The following RNF220 variants were observed in gnomAD, a reference collection of about 807,000 sequenced individuals.
RNF220 encodes E3 ubiquitin-protein ligase RNF220.
Under a neutral mutation model 67.1 loss-of-function variants are expected in RNF220, and 7 were observed. The observed-to-expected ratio is 0.10, with a 90% confidence interval of 0.06 to 0.20. The LOEUF is 0.20. Among genes scored for constraint, RNF220 ranks in the 10% least tolerant of loss-of-function variants. The pLI is 1.00. For synonymous variants in RNF220, 270 were observed against 283.2 expected, an observed-to-expected ratio of 0.95 and a Z score of 0.47; for missense variants, 565 against 740.3, an observed-to-expected ratio of 0.76 and a Z score of 2.75.
intron 2 of RNF220, among the ~76,000 whole-genome samples, chr1:44,431,723 CCCT>C (rs139274807): frequency 0.05 from 7,665 of 152,200 alleles, 440 homozygotes; most frequent in African/African-American, 0.13. Flanking sequence ...GGAGTCTCTT[CCCT>C]CCTCATGCAC....
intron 2 of RNF220, among the ~76,000 whole-genome samples, chr1:44,528,070 AC>A (rs1478848804): frequency 6.6e-6 from 1 of 152,128 alleles, no homozygotes; most frequent in East Asian, 1.9e-4. Context: ...CCCACCATAA[AC>A]AAAAATAAAA....
chr1:44,568,683 C>T (rs989529859), intron 2 of RNF220, among the ~76,000 whole-genome samples: 1 of 152,170 alleles, frequency 6.6e-6, no homozygotes, highest in Non-Finnish European at 1.5e-5. Context: ...GATGGAGTTG[C>T]GAAGGCAGGA....
At chr1:44,531,507 GTAAGA>G (rs2148191823) in intron 2 of RNF220, among the ~76,000 whole-genome samples, 1 of 152,320 alleles carries the variant, frequency 6.6e-6, no homozygotes, top group African/African-American at 2.4e-5. Flanking sequence ...CCATTAGACT[GTAAGA>G]GCACAGAGGC....
At chr1:44,537,225 G>A (rs566276703) in intron 2 of RNF220, among the ~76,000 whole-genome samples, 91 of 152,012 alleles carry the variant, frequency 6.0e-4, no homozygotes, top group Non-Finnish European at 1.2e-3. Flanking sequence ...ACCCCTTCTT[G>A]TATCAGACCT....
At chr1:44,541,109 A>C (rs1428103688) in intron 2 of RNF220, among the ~76,000 whole-genome samples, 1 of 152,192 alleles carries the variant, frequency 6.6e-6, no homozygotes, top group Admixed American at 6.5e-5. Context: ...GAACCTCAGA[A>C]AAGTCAAGTA....
At position 44,621,256 on chromosome 1, in the gene RNF220, C is replaced by T. The variant is rs1410953468; in HGVS notation, c.759-1486C>T. On this transcript the variant is annotated intron_variant, in intron 3 of 14. Coordinates refer to ENST00000361799, the MANE Select transcript of RNF220 (RefSeq NM_018150.4). This position sits in a 1 kb window ranked among gnomAD's most constrained non-coding sequence, Gnocchi z 4.8. The stretch of plus-strand genomic sequence containing the variant: ...TGGACATGTGTCTGGGAATATGCCT[C>T]TGTGGCCCTGTGCATCTGTATGCGT... 6.6e-6 allele frequency among the ~76,000 whole-genome samples: 1 copy of T among 152,202 alleles called. No individual in the cohort carries two copies. Among genetic ancestry groups the T allele is most frequent in the East Asian group, 1.9e-4 (1 of 5,196 alleles).
At chr1:44,421,723 C>CA (rs1649242635) in intron 2 of RNF220, among the ~76,000 whole-genome samples, 1 of 152,002 alleles carries the variant, frequency 6.6e-6, no homozygotes. Flanking sequence ...CAAATAAACT[C>CA]AGTGTTTTTC....
chr1:44,521,558 T>A (rs1214105794), intron 2 of RNF220, among the ~76,000 whole-genome samples: 1 of 152,042 alleles, frequency 6.6e-6, no homozygotes, highest in Middle Eastern at 3.2e-3. Flanking sequence ...GAGTCAAGGG[T>A]TGGGCCTCTG....
Position 44,622,927 on chromosome 1 carries a change from C to T in RNF220, c.804+140C>T, listed in dbSNP as rs1643857613. The T allele has an allele frequency of 1.4e-6, 1 of 721,022 alleles. No individual in the cohort carries two copies. The highest frequency in any genetic ancestry group is 2.3e-5 in the Admixed American group (1 of 44,392). The allele number at this position is 721,022 out of a possible 1,614,324, so 44.7% of individuals were successfully genotyped here. On this transcript the variant is annotated intron_variant, in intron 4 of 14. Coordinates refer to ENST00000361799, the MANE Select transcript of RNF220 (RefSeq NM_018150.4). This position sits in a 1 kb window ranked among gnomAD's most constrained non-coding sequence, Gnocchi z 4.3. ...CTAATATCCTCAACTATCTCCAGGT[C>T]TTGAACATCATCCTGAGGCCTAGGG...
At chr1:44,534,129 C>T (rs1056667362) in intron 2 of RNF220, among the ~76,000 whole-genome samples, 10 of 152,074 alleles carry the variant, frequency 6.6e-5, no homozygotes, top group African/African-American at 2.4e-4. Context: ...TATGTGCCAC[C>T]ATGCTTGGCT....
At chr1:44,628,605 C>G (rs187191891) in intron 5 of RNF220, among the ~76,000 whole-genome samples, 4 of 152,344 alleles carry the variant, frequency 2.6e-5, no homozygotes, top group Admixed American at 6.5e-5. Flanking sequence ...GGCAGCGAGG[C>G]CTTCTGTGAT....
At chr1:44,408,326 C>G (rs1647604107) in intron 1 of RNF220, among the ~76,000 whole-genome samples, 1 of 152,234 alleles carries the variant, frequency 6.6e-6, no homozygotes, top group Non-Finnish European at 1.5e-5. Context: ...GGGTCCAAAT[C>G]TGGGACCATA....
chr1:44,494,661 G>T (rs1657168870), intron 2 of RNF220, among the ~76,000 whole-genome samples: 1 of 151,902 alleles, frequency 6.6e-6, no homozygotes, highest in Admixed American at 6.6e-5. Flanking sequence ...GTATTTGTTT[G>T]CATATGAAAA....
At chr1:44,588,492 T>A (rs1182978465) in intron 2 of RNF220, among the ~76,000 whole-genome samples, 1 of 152,252 alleles carries the variant, frequency 6.6e-6, no homozygotes, top group East Asian at 1.9e-4. Context: ...CTTCTTTGCC[T>A]TTCCAATCTG....
In RNF220 at chr1:44,460,579, G is replaced by A. The variant is rs369370449; in HGVS notation, c.625+47857G>A. Among the ~76,000 whole-genome samples the A allele has an allele frequency of 4.6e-4, 70 of 152,294 alleles. 2 individuals are homozygous for A. In the South Asian group the frequency reaches 0.013, roughly 29 times the overall value. On this transcript the variant is annotated intron_variant, in intron 2 of 14. Transcript: ENST00000361799. ...TCGGAGAGTTCTTCGATCATTGAGG[G>A]TTCATTGAGGGTTCTCACAAAACTT...
At chr1:44,499,880 C>T (rs555518013) in intron 2 of RNF220, among the ~76,000 whole-genome samples, 2 of 152,322 alleles carry the variant, frequency 1.3e-5, no homozygotes, top group African/African-American at 4.8e-5. Flanking sequence ...ATAGCCACTC[C>T]AGTCTTCCAG....
chr1:44,425,183 T>G (rs960091712), intron 2 of RNF220, among the ~76,000 whole-genome samples: 5 of 152,168 alleles, frequency 3.3e-5, no homozygotes, highest in Non-Finnish European at 7.3e-5. Flanking sequence ...CAGGGGGTTT[T>G]GGGTACCTGC....
At chr1:44,453,028 A>T (rs928648643) in intron 2 of RNF220, among the ~76,000 whole-genome samples, 1 of 152,146 alleles carries the variant, frequency 6.6e-6, no homozygotes, top group African/African-American at 2.4e-5. Flanking sequence ...CAATTTCTTC[A>T]TATAAATCTT....
intron 2 of RNF220, among the ~76,000 whole-genome samples, chr1:44,519,951 TAGAA>T (rs1659773748): frequency 6.6e-6 from 1 of 151,992 alleles, no homozygotes; most frequent in Non-Finnish European, 1.5e-5. Flanking sequence ...ATCCATATAT[TAGAA>T]AGATAACTCA....
Sources: allele counts gnomAD v4.1 joint callset (sites outside exome capture counted in the v4.1 genomes callset), GRCh38; gene constraint gnomAD v4.1.1; non-coding constraint Gnocchi (gnomAD v3.1); transcripts MANE v1.5; gene names NCBI Gene and HGNC (gene_info 2026-07-23, HGNC 2026-07-21).